HERC1: variants seen among roughly 807,000 people sequenced by gnomAD.
HERC1 encodes the protein probable E3 ubiquitin-protein ligase HERC1.
Under a neutral mutation model 554.3 loss-of-function variants are expected in HERC1, and 160 were observed. The ratio of observed to expected loss-of-function variants is 0.29; its 90% CI spans 0.25 to 0.33. HERC1 has a LOEUF of 0.33. Among genes scored for constraint, HERC1 ranks in the 10% least tolerant of loss-of-function variants. The probability of loss-of-function intolerance (pLI) is 1.00; values close to 1 mark genes in which losing one functional copy is unlikely to be tolerated. For missense variants in HERC1, 4,919 were observed against 5,918.5 expected (o/e 0.83, Z 5.54); for synonymous variants, 2,175 against 2,131.7 (o/e 1.02, Z -0.56).
intron 17 of HERC1, 138 bp from the exon 18 acceptor site, chr15:63,725,651 T>C (rs901663386): frequency 3.1e-5 from 20 of 654,048 alleles, no homozygotes; most frequent in Non-Finnish European, 4.4e-5. Context: ...TATAATACTT[T>C]CTGTATTTTT....
At chr15:63,632,593 G>A (rs777124524) in intron 68 of HERC1, 116 bp downstream of exon 68, 11 of 721,948 alleles carry the variant, frequency 1.5e-5, no homozygotes, top group Non-Finnish European at 2.5e-5. Flanking sequence ...AGGTCATAGT[G>A]ACTACTCACC....
At chr15:63,776,480 C>T (rs538198992) in intron 1 of HERC1, among the ~76,000 whole-genome samples, 1 of 152,296 alleles carries the variant, frequency 6.6e-6, no homozygotes, top group African/African-American at 2.4e-5. Context: ...ATATCTAACC[C>T]TATGACCCAA....
At chr15:63,625,163 T>G (rs2152772406) in intron 71 of HERC1, among the ~76,000 whole-genome samples, 1 of 152,286 alleles carries the variant, frequency 6.6e-6, no homozygotes, top group South Asian at 2.1e-4. Context: ...AGCTAGCCAC[T>G]TTGTTACTGG....
chr15:63,621,221 T>C (rs942094503), intron 74 of HERC1, among the ~76,000 whole-genome samples: 2 of 152,090 alleles, frequency 1.3e-5, no homozygotes, highest in South Asian at 2.1e-4. Flanking sequence ...TTTGCTTGTC[T>C]GTAAAGTATT....
chr15:63,619,656 T>G (rs1014377186), intron 74 of HERC1, among the ~76,000 whole-genome samples: 6 of 152,230 alleles, frequency 3.9e-5, no homozygotes, highest in African/African-American at 1.4e-4. Flanking sequence ...AGCTATTAAT[T>G]ATTGCCTCAA....
rs1467530603 is a variant in HERC1 at position 63,672,530 on chromosome 15, C to T, written c.8011G>A (p.Glu2671Lys). The change falls in exon 39 of 78, where the codon GAG becomes AAG. Residue 2671 changes from glutamate (E) to lysine (K), a missense_variant. By Grantham distance (56) the Glu-to-Lys change is moderately conservative. Transcript: ENST00000443617. ...CTAAGAGGCATCACTCCCGGGGACT[C>T]GGATGCAGGCACTGTTTCTGTGTCA... ...VTDTETVPAS[E>K]SPGVMPLSLL... is the part of the protein sequence containing the mutation. 1.9e-6 allele frequency: 3 copies of T among 1,604,730 alleles called. No homozygotes were observed. Among genetic ancestry groups the T allele is most frequent in the South Asian group, 1.1e-5 (1 of 89,168 alleles).
intron 8 of HERC1, among the ~76,000 whole-genome samples, chr15:63,752,024 C>T (rs2075266331): frequency 6.6e-6 from 1 of 152,156 alleles, no homozygotes; most frequent in Admixed American, 6.5e-5. Context: ...TGTGTGTATA[C>T]ATCAAATACA....
chr15:63,731,414 A>T (rs2074286370), intron 14 of HERC1, among the ~76,000 whole-genome samples: 1 of 152,170 alleles, frequency 6.6e-6, no homozygotes, highest in Non-Finnish European at 1.5e-5. Context: ...TTTTATTTCC[A>T]TTTCCATATA....
intron 31 of HERC1, among the ~76,000 whole-genome samples, chr15:63,690,951 G>C (rs2072071149): frequency 6.6e-6 from 1 of 152,130 alleles, no homozygotes; most frequent in African/African-American, 2.4e-5. Flanking sequence ...CTCACAAACT[G>C]AATTACAGCC....
At position 63,669,673 on chromosome 15, in the gene HERC1, T is replaced by C. The variant is rs2070804686; in HGVS notation, c.8071A>G (p.Thr2691Ala). The C allele has an allele frequency of 6.2e-7, 1 of 1,613,702 alleles. No individual in the cohort carries two copies. Among genetic ancestry groups the C allele is most frequent in the Non-Finnish European group, 8.5e-7 (1 of 1,179,756 alleles). The stretch of plus-strand genomic sequence containing the variant: ...GCCCGACGTGTGGGAAGTACAGTGG[T>C]AGTTGGGTAACTAGAGAACATTTGC... ...LRQMFSSYPT[T>A]TVLPTRRAQT... Residue 2691 changes from threonine (T) to alanine (A), a missense_variant, in exon 40 of 78, where the codon ACC (threonine) becomes GCC (alanine). Physicochemically the swap from Thr to Ala is moderately conservative, Grantham distance 58. Coordinates refer to ENST00000443617, the MANE Select transcript of HERC1 (RefSeq NM_003922.4).
At chr15:63,822,165 G>A (rs1340400435) in intron 1 of HERC1, among the ~76,000 whole-genome samples, 1 of 152,196 alleles carries the variant, frequency 6.6e-6, no homozygotes, top group Non-Finnish European at 1.5e-5. Context: ...GCCCGGTCAG[G>A]GAATACGGAT....
intron 12 of HERC1, among the ~76,000 whole-genome samples, chr15:63,744,160 GTGTGTCTCTCTCTCTC>G (rs2074957693): frequency 5.1e-5 from 2 of 39,034 alleles, no homozygotes; most frequent in African/African-American, 1.5e-4. Flanking sequence ...GTGTGTGTGT[GTGTGTCTCTCTCTCTC>G]TCTCTCTCTC....
Position 63,749,291 on chromosome 15 carries a change from T to A in HERC1, c.2219+76A>T. The A allele has an allele frequency of 8.9e-7, 1 of 1,124,134 alleles. No homozygotes were observed. 69.6% of individuals were successfully genotyped at this position (1,124,134 alleles called of 1,614,324 possible). A position where few individuals can be genotyped will look rare whatever the true frequency, so the allele number is the denominator to read the frequency against. On this transcript the variant is annotated intron_variant, in intron 10 of 77. Transcript: ENST00000443617. This position sits in a 1 kb window ranked among gnomAD's most constrained non-coding sequence, Gnocchi z 4.1. Reference sequence around the variant, plus strand: ...TATGAACAAAGCACAATTATTTCTGTTTTTATTAGTGTTTCTACTTTTTAT... The same window carrying A: ...TATGAACAAAGCACAATTATTTCTGATTTTATTAGTGTTTCTACTTTTTAT...
intron 77 of HERC1, among the ~76,000 whole-genome samples, chr15:63,611,088 A>C (rs1478119550): frequency 6.6e-6 from 1 of 152,124 alleles, no homozygotes; most frequent in Non-Finnish European, 1.5e-5. Flanking sequence ...AGATAGAAGG[A>C]AAGGGGTGTG....
chr15:63,808,261 G>A (rs927777474), intron 1 of HERC1, among the ~76,000 whole-genome samples: 6 of 152,010 alleles, frequency 3.9e-5, no homozygotes, highest in African/African-American at 1.5e-4. Context: ...TCAAACTTGG[G>A]TGGTTTCTTT....
At position 63,678,320 on chromosome 15, in the gene HERC1, G is replaced by T; in HGVS notation, c.6595C>A (p.Leu2199Ile). 6.2e-7 allele frequency: 1 copy of T among 1,612,634 alleles called. No individual in the cohort carries two copies. The stretch of plus-strand genomic sequence containing the variant: ...GGACTACAAATAGGGTCTCCTGGAA[G>T]TAAGTCTCGGGGTGTGCCACGCATC... Reference protein sequence around the residue: ...MQMRGTPRDLLPGDPICSPVA... With the variant: ...MQMRGTPRDLIPGDPICSPVA... Residue 2199 changes from leucine (L) to isoleucine (I), a missense_variant, in exon 37 of 78, where the codon CTT becomes ATT. This residue lies in a region of HERC1 where 1,963 missense variants were observed against 2,228.6 expected (regional missense o/e 0.88). Coordinates refer to ENST00000443617, the MANE Select transcript of HERC1 (RefSeq NM_003922.4).
At position 63,829,561 on chromosome 15, in the gene HERC1, G is replaced by GTATA. The variant is rs60037018; in HGVS notation, c.-27+4262_-27+4265dup. ...TATATGTATGTGTGTGTGTGTGTGT[G>GTATA]TATATATATATATATATATATATAT... On this transcript the variant is annotated intron_variant, in intron 1 of 77. Coordinates refer to ENST00000443617, the MANE Select transcript of HERC1 (RefSeq NM_003922.4). 5.5e-3 allele frequency among the ~76,000 whole-genome samples: 447 copies of GTATA among 81,584 alleles called. 7 individuals are homozygous for GTATA. The highest frequency in any genetic ancestry group is 0.02 in the African/African-American group (381 of 19,186). The allele number at this position is 81,584 out of a possible 152,430, so 53.5% of individuals were successfully genotyped here.
rs1334265622 is a variant in HERC1, at chr15:63,652,481, T to A, written c.10351A>T (p.Thr3451Ser). ...GLLATSGNDG[T>S]IRVWNVTKKQ... ...TTGGTAACATTCCATACGCGGATGG[T>A]GCCATCATTGCCACTTGTAGCCAAA... Residue 3451 changes from threonine to serine, a missense_variant, in exon 52 of 78, where the codon ACC becomes TCC. Around this residue, in one of 11 missense-constraint regions of HERC1, gnomAD observed 1,963 missense variants for 2,228.6 expected, o/e 0.88. Coordinates refer to ENST00000443617, the MANE Select transcript of HERC1 (RefSeq NM_003922.4). 1 of 1,609,894 alleles carries A rather than the reference T, an allele frequency of 6.2e-7. No homozygotes were observed. The highest frequency in any genetic ancestry group is 8.5e-7 in the Non-Finnish European group (1 of 1,177,464).
rs761076946 is a variant in HERC1 at position 63,669,785 on chromosome 15, C to T, written c.8046-87G>A. 4.5e-5 allele frequency: 55 copies of T among 1,226,734 alleles called. 1 individual carries two copies. Among genetic ancestry groups the T allele is most frequent in the Middle Eastern group, 2.7e-4 (1 of 3,700 alleles). The allele number at this position is 1,226,734 out of a possible 1,614,324, so 76.0% of individuals were successfully genotyped here. A position where few individuals can be genotyped will look rare whatever the true frequency, so the allele number is the denominator to read the frequency against. The stretch of plus-strand genomic sequence containing the variant: ...AATCTTCTTATAGAAGAATATGCAA[C>T]CTGGAAGACTAAACAGGTTAGTTAT... On this transcript the variant is annotated intron_variant, in intron 39 of 77. Coordinates refer to ENST00000443617, the MANE Select transcript of HERC1 (RefSeq NM_003922.4).
Sources: gnomAD v4.1 joint callset for allele counts (sites outside exome capture counted in the v4.1 genomes callset) on GRCh38, gnomAD v4.1.1 for gene constraint, gnomAD v4.1.1 regional missense constraint, Gnocchi (gnomAD v3.1) non-coding constraint, MANE v1.5 for transcripts, NCBI Gene and HGNC (gene_info 2026-07-23, HGNC 2026-07-21) for gene names.